Variants in NEGR1 observed in about 807,000 individuals in gnomAD.
NEGR1 encodes neuronal growth regulator 1.
Under a neutral mutation model 40.9 loss-of-function variants are expected in NEGR1, and 10 were observed. The ratio of observed to expected loss-of-function variants is 0.24; its 90% CI spans 0.15 to 0.42. The LOEUF (loss-of-function observed/expected upper bound fraction) is 0.42. Among genes scored for constraint, NEGR1 ranks in the 10% least tolerant of loss-of-function variants. The pLI is 1.00. For synonymous variants in NEGR1, 185 were observed against 166.8 expected (o/e 1.11, Z -0.84); for missense variants, 352 against 438.9 (o/e 0.80, Z 1.77).
At chr1:71,408,068 C>T (rs1022460026) in intron 6 of NEGR1, among the ~76,000 whole-genome samples, 1 of 151,936 alleles carries the variant, frequency 6.6e-6, no homozygotes, top group Non-Finnish European at 1.5e-5. Context: ...AATTATAATA[C>T]AGAATATTAG....
intron 2 of NEGR1, among the ~76,000 whole-genome samples, chr1:71,842,756 A>T (rs1659286042): frequency 6.6e-6 from 1 of 152,134 alleles, no homozygotes; most frequent in South Asian, 2.1e-4. Context: ...AAAACATTTG[A>T]TTTCTAAGAT....
chr1:71,731,856 TA>T (rs1263726095), intron 3 of NEGR1, among the ~76,000 whole-genome samples: 1 of 152,206 alleles, frequency 6.6e-6, no homozygotes, highest in East Asian at 1.9e-4. Flanking sequence ...ATTAGTACTT[TA>T]AAAACTTGAT....
At chr1:71,734,110 G>A (rs1037517003) in intron 3 of NEGR1, among the ~76,000 whole-genome samples, 1 of 152,146 alleles carries the variant, frequency 6.6e-6, no homozygotes, top group Non-Finnish European at 1.5e-5. Flanking sequence ...ACATTACCTA[G>A]GACCCTAAGG....
At chr1:71,927,925 G>C (rs896297575) in intron 2 of NEGR1, among the ~76,000 whole-genome samples, 4 of 147,084 alleles carry the variant, frequency 2.7e-5, no homozygotes, top group Non-Finnish European at 4.5e-5. Context: ...CTGAGGCCAG[G>C]GAGGTTGAGG....
chr1:71,947,893 T>C (rs1646035801), intron 1 of NEGR1, among the ~76,000 whole-genome samples: 1 of 152,186 alleles, frequency 6.6e-6, no homozygotes, highest in South Asian at 2.1e-4. Context: ...ATGCTGTATT[T>C]GGTATATTTT....
chr1:71,845,348 A>T (rs1275747311), intron 2 of NEGR1, among the ~76,000 whole-genome samples: 1 of 152,120 alleles, frequency 6.6e-6, no homozygotes, highest in Non-Finnish European at 1.5e-5. Flanking sequence ...TTTAATAAGT[A>T]ATTAAAGTTA....
At chr1:71,697,827 C>A (rs1436900360) in intron 4 of NEGR1, 181 bp downstream of exon 4, 8 of 585,714 alleles carry the variant, frequency 1.4e-5, no homozygotes, top group Non-Finnish European at 2.4e-5. Context: ...TTACTTGGGA[C>A]AATTGTTGTT....
intron 6 of NEGR1, among the ~76,000 whole-genome samples, chr1:71,546,559 G>A (rs902362274): frequency 3.3e-5 from 5 of 151,606 alleles, no homozygotes; most frequent in Non-Finnish European, 7.4e-5. Context: ...AATTTTAAGT[G>A]ATTTAAACAC....
At chr1:71,840,523 G>C (rs1295827723) in intron 2 of NEGR1, among the ~76,000 whole-genome samples, 1 of 151,978 alleles carries the variant, frequency 6.6e-6, no homozygotes, top group Non-Finnish European at 1.5e-5. Context: ...TTTCTCCATT[G>C]TTATACTACT....
intron 3 of NEGR1, among the ~76,000 whole-genome samples, chr1:71,741,475 A>G (rs1655211412): frequency 6.6e-6 from 1 of 152,120 alleles, no homozygotes; most frequent in Non-Finnish European, 1.5e-5. Flanking sequence ...ATCTTTCTGG[A>G]AAAACTCATT....
At chr1:72,045,601 T>C (rs1052931131) in intron 1 of NEGR1, among the ~76,000 whole-genome samples, 1 of 151,820 alleles carries the variant, frequency 6.6e-6, no homozygotes, top group African/African-American at 2.4e-5. Context: ...TGTGACTTGC[T>C]CCTCCTTGCC....
chr1:71,499,393 C>T (rs981434632), intron 6 of NEGR1, among the ~76,000 whole-genome samples: 9 of 149,746 alleles, frequency 6.0e-5, no homozygotes, highest in South Asian at 2.1e-4. Context: ...ATTCTCCTTC[C>T]TCTTTTCCTT....
intron 1 of NEGR1, among the ~76,000 whole-genome samples, chr1:72,273,016 T>C (rs34376163): frequency 0.13 from 20,466 of 151,934 alleles, 1,632 homozygotes; most frequent in Non-Finnish European, 0.18. Context: ...TATAAGAGCA[T>C]CAAAGGTCCT....
chr1:71,867,322 C>T (rs185769360), intron 2 of NEGR1, among the ~76,000 whole-genome samples: 250 of 152,258 alleles, frequency 1.6e-3, no homozygotes, highest in Middle Eastern at 3.4e-3. Flanking sequence ...TGCAGTGAGT[C>T]GACATTATGC....
At chr1:71,664,077 T>G (rs1652158707) in intron 4 of NEGR1, among the ~76,000 whole-genome samples, 1 of 152,224 alleles carries the variant, frequency 6.6e-6, no homozygotes, top group Non-Finnish European at 1.5e-5. Flanking sequence ...CTCTCAAGTA[T>G]AGCTGACATC....
chr1:72,110,125 C>A (rs1446754575), intron 1 of NEGR1, among the ~76,000 whole-genome samples: 2 of 137,564 alleles, frequency 1.5e-5, no homozygotes, highest in East Asian at 2.2e-4. Context: ...AGTGTGGAGA[C>A]AAAAAGGAAG....
At chr1:71,498,248 C>T (rs6687400) in intron 6 of NEGR1, among the ~76,000 whole-genome samples, 10,088 of 151,104 alleles carry the variant, frequency 0.067, 379 homozygotes, top group South Asian at 0.092. Context: ...GTAAAACATG[C>T]CTATATCTCT....
At chr1:71,707,858 T>C (rs921121502) in intron 3 of NEGR1, among the ~76,000 whole-genome samples, 1 of 152,144 alleles carries the variant, frequency 6.6e-6, no homozygotes, top group Admixed American at 6.5e-5. Flanking sequence ...AGAGCTTCTG[T>C]CTGGCAATTC....
rs1021108810 is a variant in NEGR1, at chr1:71,438,990, A to T, written c.941-31420T>A. 7.0e-4 allele frequency among the ~76,000 whole-genome samples: 107 copies of T among 152,284 alleles called. 1 individual carries two copies. The highest frequency in any genetic ancestry group is 2.5e-3 in the African/African-American group (104 of 41,572). Reference sequence around the variant, plus strand: ...AGCATATTCTTTTTGCCCTATTCTGATCAGTAAATAACTGTTCACTATTCC... The same window carrying T: ...AGCATATTCTTTTTGCCCTATTCTGTTCAGTAAATAACTGTTCACTATTCC... On this transcript the variant is annotated intron_variant, in intron 6 of 6. Coordinates refer to ENST00000357731, the MANE Select transcript of NEGR1 (RefSeq NM_173808.3).
Sources: gnomAD v4.1 joint callset for allele counts (sites outside exome capture counted in the v4.1 genomes callset) on GRCh38, gnomAD v4.1.1 for gene constraint, MANE v1.5 for transcripts, NCBI Gene and HGNC (gene_info 2026-07-23, HGNC 2026-07-21) for gene names.